Variants in SDC1 observed in about 807,000 individuals in gnomAD.
SDC1 encodes the protein syndecan-1.
SDC1 carries 14 observed loss-of-function variants against 29.7 expected under a neutral mutation model. The ratio of observed to expected loss-of-function variants is 0.47; its 90% CI spans 0.31 to 0.74. The LOEUF (loss-of-function observed/expected upper bound fraction) is 0.74. Among genes scored for constraint, SDC1 ranks in the 30% least tolerant of loss-of-function variants. SDC1 has a pLI of 0.05. For missense variants in SDC1, 406 were observed against 400.3 expected (o/e 1.01, Z -0.12); for synonymous variants, 204 against 175.5 (o/e 1.16, Z -1.29).
chr2:20,207,747 C>T (rs1677325745), intron 1 of SDC1, among the ~76,000 whole-genome samples: 1 of 152,040 alleles, frequency 6.6e-6, no homozygotes, highest in South Asian at 2.1e-4. Flanking sequence ...GGTCCATGCT[C>T]CCCCCGCCTC....
intron 1 of SDC1, among the ~76,000 whole-genome samples, chr2:20,215,233 G>C (rs2148292728): frequency 6.6e-6 from 1 of 152,366 alleles, no homozygotes; most frequent in Non-Finnish European, 1.5e-5. Flanking sequence ...GTGCCCCATT[G>C]CTAGGGGTCC....
At chr2:20,215,279 A>T (rs773835674) in intron 1 of SDC1, among the ~76,000 whole-genome samples, 1 of 152,174 alleles carries the variant, frequency 6.6e-6, no homozygotes, top group Admixed American at 6.5e-5. Context: ...AGGGTGCCCC[A>T]ATGTCTGGCT....
Position 20,205,394 on chromosome 2 carries a change from C to A in SDC1, c.97G>T (p.Asp33Tyr). 1 of 1,614,080 alleles carries A rather than the reference C, an allele frequency of 6.2e-7. No individual in the cohort carries two copies. The highest frequency in any genetic ancestry group is 8.5e-7 in the Non-Finnish European group (1 of 1,179,982). Residue 33 changes from aspartate (D) to tyrosine (Y), a missense_variant, in exon 2 of 5, where the codon GAT becomes TAT. Asp to Tyr is a radical substitution (Grantham distance 160). Coordinates refer to ENST00000254351, the MANE Select transcript of SDC1 (RefSeq NM_002997.5). ...GAGTCATCCCCAGAGCCATCTTGATCTTCAGGGGGCAAATTAGTAGCCACA... is the reference window on the plus strand; with the variant it reads ...GAGTCATCCCCAGAGCCATCTTGATATTCAGGGGGCAAATTAGTAGCCACA... ...QIVATNLPPE[D>Y]QDGSGDDSDN... is the part of the protein sequence containing the mutation.
intron 1 of SDC1, 119 bp from the exon 2 acceptor site, chr2:20,205,543 G>C: frequency 1.3e-6 from 1 of 775,460 alleles, no homozygotes. Context: ...GGTACACAGG[G>C]AGAAGCCTTC....
rs1452111974 is a variant in SDC1 at position 20,202,113 on chromosome 2, A to G, written c.*653T>C. ...CTCCTAGTTTAAAAAAAAAAAAAAA[A>G]AGTCTTCTTAACCCTGATGCTGTCT... is the stretch of plus-strand genomic sequence containing the variant. On this transcript the variant is annotated 3_prime_UTR_variant, in exon 5 of 5. Coordinates refer to ENST00000254351, the MANE Select transcript of SDC1 (RefSeq NM_002997.5). 1.5e-5 allele frequency: 8 copies of G among 532,902 alleles called. No individual in the cohort carries two copies. The South Asian group carries it at 1.6e-4, about 11-fold the overall frequency. 33.0% of individuals were successfully genotyped at this position (532,902 alleles called of 1,614,324 possible).
At chr2:20,219,096 G>A (rs562693205) in intron 1 of SDC1, among the ~76,000 whole-genome samples, 117 of 152,210 alleles carry the variant, frequency 7.7e-4, no homozygotes, top group African/African-American at 2.7e-3. Flanking sequence ...TCCAGCCGCC[G>A]CCTGTTCTGC....
intron 1 of SDC1, among the ~76,000 whole-genome samples, chr2:20,221,416 A>AG (rs1334434139): frequency 2.0e-5 from 3 of 152,228 alleles, no homozygotes; most frequent in African/African-American, 7.2e-5. Flanking sequence ...CACCAGGCAG[A>AG]GGGGCAAAGT....
rs1223848336 is a variant in SDC1, at chr2:20,224,204, C to T, written c.66+598G>A. 1.9e-4 allele frequency: 81 copies of T among 422,734 alleles called. 1 individual carries two copies. In the Admixed American group the frequency reaches 1.9e-3, roughly 10 times the overall value. The allele number at this position is 422,734 out of a possible 1,614,324, so 26.2% of individuals were successfully genotyped here. On this transcript the variant is annotated intron_variant, in intron 1 of 4. Transcript: ENST00000254351. This position sits in a 1 kb window ranked among gnomAD's most constrained non-coding sequence, Gnocchi z 4.9. ...GGCTCAGCTCACCTCGAGCCGCCCACGGCAAGCCCGAGGGCCCTGCAGACG... is the reference window on the plus strand; with the variant it reads ...GGCTCAGCTCACCTCGAGCCGCCCATGGCAAGCCCGAGGGCCCTGCAGACG...
intron 1 of SDC1, among the ~76,000 whole-genome samples, chr2:20,216,803 C>T (rs1269194266): frequency 6.6e-6 from 1 of 152,210 alleles, no homozygotes; most frequent in Non-Finnish European, 1.5e-5. Flanking sequence ...CCTCCAACCT[C>T]CCCACATCCC....
chr2:20,223,241 A>G (rs1451324827), intron 1 of SDC1: 1 of 1,302,302 alleles, frequency 7.7e-7, no homozygotes, highest in South Asian at 1.2e-5. Context: ...TCGGTCTCAG[A>G]AACGACTGTC....
intron 1 of SDC1, among the ~76,000 whole-genome samples, chr2:20,215,790 G>C (rs749217793): frequency 2.6e-4 from 40 of 152,214 alleles, no homozygotes; most frequent in Non-Finnish European, 4.9e-4. Context: ...ATGTGATCCA[G>C]GTGGGCTAGA....
intron 1 of SDC1, among the ~76,000 whole-genome samples, chr2:20,212,940 T>C (rs1677516302): frequency 6.6e-6 from 1 of 152,128 alleles, no homozygotes. Flanking sequence ...TCGGGTAATA[T>C]TTTCCATTTA....
intron 1 of SDC1, among the ~76,000 whole-genome samples, chr2:20,220,322 G>A (rs1677775940): frequency 6.6e-6 from 1 of 152,096 alleles, no homozygotes; most frequent in Non-Finnish European, 1.5e-5. Context: ...GGGGAGACTT[G>A]ACAGTCTTGC....
At position 20,224,910 on chromosome 2, in the gene SDC1, C is replaced by G; in HGVS notation, c.-43G>C. 1 of 1,206,842 alleles carries G rather than the reference C, an allele frequency of 8.3e-7. No homozygotes were observed. Among genetic ancestry groups the G allele is most frequent in the Non-Finnish European group, 1.0e-6 (1 of 972,580 alleles). 74.8% of individuals were successfully genotyped at this position (1,206,842 alleles called of 1,614,324 possible). A position where few individuals can be genotyped will look rare whatever the true frequency, so the allele number is the denominator to read the frequency against. ...CGGGAGAGCGGCAGGCTGCGCGGGTCGCGGCTGCGGGCCGGCTTCGCGGGT... is the reference window on the plus strand; with the variant it reads ...CGGGAGAGCGGCAGGCTGCGCGGGTGGCGGCTGCGGGCCGGCTTCGCGGGT... On this transcript the variant is annotated 5_prime_UTR_variant, in exon 1 of 5. Coordinates refer to ENST00000254351, the MANE Select transcript of SDC1 (RefSeq NM_002997.5). The surrounding 1 kb of genome is among the most constrained non-coding windows in gnomAD (Gnocchi z 4.9).
rs1677157331 is a variant in SDC1, at chr2:20,204,121, G to A, written c.319C>T (p.Leu107=). Reference sequence around the variant, plus strand: ...GTGAGGCCAGGCTCCACTTCTGGCAGGACTACAGCCTCTCCCTCCTTGGGC... The same window carrying A: ...GTGAGGCCAGGCTCCACTTCTGGCAAGACTACAGCCTCTCCCTCCTTGGGC... ...EGPKEGEAVV[L]PEVEPGLTAR... The change falls in exon 3 of 5, where the codon CTG becomes TTG. Residue 107 remains leucine (L), a synonymous_variant. Coordinates refer to ENST00000254351, the MANE Select transcript of SDC1 (RefSeq NM_002997.5). The A allele has an allele frequency of 6.2e-7, 1 of 1,605,904 alleles. No individual in the cohort carries two copies. The highest frequency in any genetic ancestry group is 1.3e-5 in the African/African-American group (1 of 74,844).
In SDC1 at chr2:20,210,749, A is replaced by G. The variant is rs1397408038; in HGVS notation, c.67-5325T>C. On this transcript the variant is annotated intron_variant, in intron 1 of 4. Coordinates refer to ENST00000254351, the MANE Select transcript of SDC1 (RefSeq NM_002997.5). ...TGACAAGCAACCTGGACCAGGGGCC[A>G]TGGCACTGGCTCTGGGGCCAGTGGA... is the stretch of plus-strand genomic sequence containing the variant. Among the ~76,000 whole-genome samples the G allele has an allele frequency of 6.6e-5, 10 of 152,288 alleles. 1 individual carries two copies. The East Asian group carries it at 1.9e-3, about 29-fold the overall frequency.
intron 1 of SDC1, among the ~76,000 whole-genome samples, chr2:20,220,326 G>C (rs1030161471): frequency 6.6e-6 from 1 of 152,106 alleles, no homozygotes; most frequent in Non-Finnish European, 1.5e-5. Flanking sequence ...AGACTTGACA[G>C]TCTTGCGATG....
chr2:20,202,283 C>T lies in SDC1; in HGVS notation c.*483G>A. ...ACAAGTCGATATCTAGATTAGACCT[C>T]CCCACGAAACAAAGTGGACTCCTGT... is the stretch of plus-strand genomic sequence containing the variant. On this transcript the variant is annotated 3_prime_UTR_variant, in exon 5 of 5. Transcript: ENST00000254351. 1.3e-6 allele frequency: 1 copy of T among 779,252 alleles called. No homozygotes were observed. The highest frequency in any genetic ancestry group is 1.7e-5 in the Admixed American group (1 of 58,988). 48.3% of individuals were successfully genotyped at this position (779,252 alleles called of 1,614,324 possible). A position where few individuals can be genotyped will look rare whatever the true frequency, so the allele number is the denominator to read the frequency against.
chr2:20,202,481 C>T lies in SDC1; in HGVS notation c.*285G>A. The T allele has an allele frequency of 1.7e-6, 1 of 592,838 alleles. No homozygotes were observed. Among genetic ancestry groups the T allele is most frequent in the South Asian group, 2.1e-5 (1 of 48,680 alleles). The allele number at this position is 592,838 out of a possible 1,614,324, so 36.7% of individuals were successfully genotyped here. A position where few individuals can be genotyped will look rare whatever the true frequency, so the allele number is the denominator to read the frequency against. ...AGCTGGACCTGGGGAGAGGCTGCTT[C>T]AGTTTGGAGAAACCGAGTCAGAATG... is the stretch of plus-strand genomic sequence containing the variant. On this transcript the variant is annotated 3_prime_UTR_variant, in exon 5 of 5. Coordinates refer to ENST00000254351, the MANE Select transcript of SDC1 (RefSeq NM_002997.5).
Sources: allele counts gnomAD v4.1 joint callset (sites outside exome capture counted in the v4.1 genomes callset), GRCh38; gene constraint gnomAD v4.1.1; non-coding constraint Gnocchi (gnomAD v3.1); transcripts MANE v1.5; gene names NCBI Gene and HGNC (gene_info 2026-07-23, HGNC 2026-07-21).